DAB1: variants seen among roughly 807,000 people sequenced by gnomAD.
The protein encoded by DAB1 is disabled homolog 1.
Under a neutral mutation model 64.6 loss-of-function variants are expected in DAB1, and 15 were observed. That is an observed-to-expected ratio of 0.23 (90% confidence interval 0.16 to 0.36). The LOEUF (loss-of-function observed/expected upper bound fraction) is 0.36. DAB1 is among the 10% of genes least tolerant of loss of function. DAB1 has a pLI of 1.00. For missense variants in DAB1, 596 were observed against 706.7 expected (o/e 0.84, Z 1.78); for synonymous variants, 235 against 251.9 (o/e 0.93, Z 0.64).
At chr1:57,088,093 A>T (rs935941321) in intron 4 of DAB1, among the ~76,000 whole-genome samples, 1 of 152,218 alleles carries the variant, frequency 6.6e-6, no homozygotes, top group Non-Finnish European at 1.5e-5. Flanking sequence ...TTTTTGAGAC[A>T]GAATTTTGCT....
chr1:58,359,772 A>G (rs1480985350), intron 3 of DAB1, among the ~76,000 whole-genome samples: 3 of 151,992 alleles, frequency 2.0e-5, no homozygotes, highest in South Asian at 2.1e-4. Flanking sequence ...TTCTGGCTCA[A>G]CGTTGCCACT....
At chr1:58,093,589 G>C (rs546754299) in intron 5 of DAB1, among the ~76,000 whole-genome samples, 2 of 151,812 alleles carry the variant, frequency 1.3e-5, no homozygotes, top group East Asian at 3.9e-4. Flanking sequence ...AACCATCCCT[G>C]CCCACCCTGC....
intron 3 of DAB1, among the ~76,000 whole-genome samples, chr1:58,372,388 G>C (rs1423042096): frequency 6.6e-6 from 1 of 152,156 alleles, no homozygotes; most frequent in African/African-American, 2.4e-5. Context: ...CTTATCCAAC[G>C]TCTGTACCCC....
chr1:58,444,520 A>C (rs2100275844), intron 3 of DAB1, among the ~76,000 whole-genome samples: 1 of 152,286 alleles, frequency 6.6e-6, no homozygotes, highest in Middle Eastern at 3.4e-3. Context: ...TTAGCACCCC[A>C]ACCCTCACAG....
intron 1 of DAB1, among the ~76,000 whole-genome samples, chr1:57,389,559 A>G (rs1340735168): frequency 2.0e-5 from 3 of 152,178 alleles, no homozygotes; most frequent in Non-Finnish European, 4.4e-5. Context: ...ATGAACTCCT[A>G]TTGGCCTTTA....
At chr1:57,447,561 C>T (rs1346023068) in intron 7 of DAB1, among the ~76,000 whole-genome samples, 1 of 152,150 alleles carries the variant, frequency 6.6e-6, no homozygotes, top group Non-Finnish European at 1.5e-5. Flanking sequence ...GCTTTATTTT[C>T]AGAAAGGTCA....
chr1:57,631,828 AG>A (rs1471096582), intron 7 of DAB1, among the ~76,000 whole-genome samples: 1 of 152,256 alleles, frequency 6.6e-6, no homozygotes, highest in East Asian at 1.9e-4. Flanking sequence ...AGGAGGGGTC[AG>A]TAGCCCAAAT....
At chr1:58,209,123 T>G (rs1237847665) in intron 4 of DAB1, among the ~76,000 whole-genome samples, 2 of 152,120 alleles carry the variant, frequency 1.3e-5, no homozygotes, top group East Asian at 3.9e-4. Flanking sequence ...GCAAGAACAT[T>G]AAATAATGTG....
intron 2 of DAB1, among the ~76,000 whole-genome samples, chr1:57,255,415 A>T (rs1196864561): frequency 2.0e-5 from 3 of 152,168 alleles, no homozygotes; most frequent in Non-Finnish European, 4.4e-5. Flanking sequence ...TAATGCCAAC[A>T]ATTTGGGAGG....
At chr1:58,342,926 G>A (rs1273536024) in intron 4 of DAB1, among the ~76,000 whole-genome samples, 3 of 152,124 alleles carry the variant, frequency 2.0e-5, no homozygotes, top group Non-Finnish European at 4.4e-5. Flanking sequence ...CACCCCAAGT[G>A]TTCCCTCTAA....
chr1:57,315,494 C>T (rs933871926), intron 1 of DAB1, among the ~76,000 whole-genome samples: 1 of 152,026 alleles, frequency 6.6e-6, no homozygotes, highest in Non-Finnish European at 1.5e-5. Flanking sequence ...TGGTGGAAAG[C>T]TTACCTATTA....
At chr1:58,077,500 G>A (rs1302366815) in intron 5 of DAB1, among the ~76,000 whole-genome samples, 1 of 152,228 alleles carries the variant, frequency 6.6e-6, no homozygotes, top group Non-Finnish European at 1.5e-5. Flanking sequence ...CAATGGATAG[G>A]AAGAGAGAAA....
chr1:57,503,184 A>G (rs541009993), intron 7 of DAB1, among the ~76,000 whole-genome samples: 2 of 152,342 alleles, frequency 1.3e-5, no homozygotes, highest in South Asian at 2.1e-4. Flanking sequence ...GGCAAACTCA[A>G]GTTCCCAAGA....
chr1:58,164,948 AT>A (rs1655747858), intron 4 of DAB1, among the ~76,000 whole-genome samples: 1 of 152,200 alleles, frequency 6.6e-6, no homozygotes, highest in African/African-American at 2.4e-5. Flanking sequence ...ATTTAAAAAA[AT>A]GTTAGCAATA....
intron 6 of DAB1, among the ~76,000 whole-genome samples, chr1:57,804,620 C>T (rs1400980380): frequency 6.6e-6 from 1 of 152,192 alleles, no homozygotes; most frequent in African/African-American, 2.4e-5. Context: ...ACTATTATAA[C>T]TATATTAACA....
At chr1:57,123,543 A>G (rs914236645) in intron 4 of DAB1, among the ~76,000 whole-genome samples, 2 of 152,174 alleles carry the variant, frequency 1.3e-5, no homozygotes, top group Non-Finnish European at 2.9e-5. Context: ...ATATAATTTG[A>G]TCAAAAAAAG....
chr1:57,938,119 A>G (rs72666170), intron 5 of DAB1, among the ~76,000 whole-genome samples: 304 of 152,272 alleles, frequency 2.0e-3, no homozygotes, highest in Non-Finnish European at 3.6e-3. Flanking sequence ...TGATGTTCTG[A>G]ATTTAGAGTT....
chr1:57,060,184 T>C (rs540784227), intron 9 of DAB1, among the ~76,000 whole-genome samples: 57 of 140,654 alleles, frequency 4.1e-4, no homozygotes, highest in African/African-American at 1.4e-3. Flanking sequence ...GGAGTTTGGC[T>C]CTGTCACCCA....
intron 7 of DAB1, among the ~76,000 whole-genome samples, chr1:57,626,081 C>T (rs1645919132): frequency 6.6e-6 from 1 of 151,976 alleles, no homozygotes; most frequent in Non-Finnish European, 1.5e-5. Flanking sequence ...ATTATGGAAT[C>T]CCTTTTTTTT....
Sources: allele counts gnomAD v4.1 joint callset (sites outside exome capture counted in the v4.1 genomes callset), GRCh38; gene constraint gnomAD v4.1.1; transcripts MANE v1.5; gene names NCBI Gene and HGNC (gene_info 2026-07-23, HGNC 2026-07-21).